LTK: variants seen among roughly 807,000 people sequenced by gnomAD.
The protein encoded by LTK is leukocyte tyrosine kinase receptor.
Under a neutral mutation model 101.5 loss-of-function variants are expected in LTK, and 117 were observed. The ratio of observed to expected loss-of-function variants is 1.15; its 90% confidence interval spans 0.99 to 1.34. The LOEUF (loss-of-function observed/expected upper bound fraction) is 1.34, where lower values mean the gene tolerates loss of function less well. Ranked by LOEUF, LTK falls within the 40% of genes most tolerant of loss-of-function variation. The probability of loss-of-function intolerance (pLI) is 0.00; values close to 1 mark genes in which losing one functional copy is unlikely to be tolerated. For synonymous variants in LTK, 563 were observed against 494.2 expected (o/e 1.14, Z -1.85); for missense variants, 1,252 against 1,164.7 (o/e 1.07, Z -1.09).
At chr15:41,510,648 G>C (rs548670305) in intron 7 of LTK, among the ~76,000 whole-genome samples, 177 of 152,268 alleles carry the variant, frequency 1.2e-3, no homozygotes, top group African/African-American at 4.0e-3. Context: ...TTTTAGTACA[G>C]ACAGGGTTTC....
At chr15:41,513,186 A>G in intron 1 of LTK, 66 bp from the exon 2 acceptor site, 1 of 1,500,768 alleles carries the variant, frequency 6.7e-7, no homozygotes, top group Non-Finnish European at 8.8e-7. Flanking sequence ...AAAGAAAGAG[A>G]GAACCCCGCA....
intron 11 of LTK, among the ~76,000 whole-genome samples, 182 bp downstream of exon 11, chr15:41,506,913 G>A (rs2051304210): frequency 6.6e-6 from 1 of 152,180 alleles, no homozygotes; most frequent in Non-Finnish European, 1.5e-5. Flanking sequence ...CTAAGAACTG[G>A]GACGGAGAGG....
In LTK at chr15:41,503,798, G is replaced by T. The variant is rs1212676215; in HGVS notation, c.*198C>A. ...CAAGATCAAAAGCTGGAAGTGGCTG[G>T]GCCCTTCCCTGGGAGGCCTGGGCTG... is the stretch of plus-strand genomic sequence containing the variant. On this transcript the variant is annotated 3_prime_UTR_variant, in exon 20 of 20. Transcript: ENST00000263800. 1.5e-6 allele frequency: 1 copy of T among 657,912 alleles called. No homozygotes were observed. Among genetic ancestry groups the T allele is most frequent in the Non-Finnish European group, 2.6e-6 (1 of 386,344 alleles). 40.8% of individuals were successfully genotyped at this position (657,912 alleles called of 1,614,324 possible).
chr15:41,509,149 G>A lies in LTK; in HGVS notation c.998-20C>T, dbSNP rs773682606. 4.6e-6 allele frequency: 7 copies of A among 1,507,348 alleles called. No homozygotes were observed. The South Asian group carries it at 6.8e-5, about 15-fold the overall frequency. 93.4% of individuals were successfully genotyped at this position (1,507,348 alleles called of 1,614,324 possible). A position where few individuals can be genotyped will look rare whatever the true frequency, so the allele number is the denominator to read the frequency against. On this transcript the variant is annotated intron_variant, in intron 7 of 19. Transcript: ENST00000263800. ...CGCCCCCTGGAAGTGGAGAGTGATG[G>A]AGAGTTTGACTACAAAAATGGGGGA...
chr15:41,503,842 G>A lies in LTK; in HGVS notation c.*154C>T. 1.1e-6 allele frequency: 1 copy of A among 903,674 alleles called. No individual in the cohort carries two copies. 56.0% of individuals were successfully genotyped at this position (903,674 alleles called of 1,614,324 possible). ...TGGGCTGGTTTCCAGCATGGCAAGT[G>A]CAGCGCTGCCAGGCCAGCCCCGAGA... On this transcript the variant is annotated 3_prime_UTR_variant, in exon 20 of 20. Transcript: ENST00000263800.
chr15:41,512,889 G>A lies in LTK; in HGVS notation c.188-11C>T. On this transcript the variant is annotated splice_polypyrimidine_tract_variant and intron_variant, in intron 2 of 19. Transcript: ENST00000263800. ...AAGACCCCTCGGTGCCTGAGAGCAA[G>A]GAGCGAGGCAAGGGTCGTCGAGCCC... is the stretch of plus-strand genomic sequence containing the variant. 7.5e-6 allele frequency: 12 copies of A among 1,609,048 alleles called. No individual in the cohort carries two copies. The highest frequency in any genetic ancestry group is 1.3e-5 in the African/African-American group (1 of 74,946).
rs2051501596 is a variant in LTK, at chr15:41,512,212, C to T, written c.413G>A (p.Arg138Gln). The part of the protein sequence containing the change: ...GGKGAKNHLS[R>Q]AHGVFVSAIF... Reference sequence around the variant, plus strand: ...TGCTGAGACGAAGACGCCATGCGCCCGCGACAGGTGGTTCTTGGCGCCTTT... The same window carrying T: ...TGCTGAGACGAAGACGCCATGCGCCTGCGACAGGTGGTTCTTGGCGCCTTT... Residue 138 changes from arginine (R) to glutamine (Q), a missense_variant, in exon 4 of 20, where the codon CGG becomes CAG. Arg to Gln is a conservative substitution (Grantham distance 43). Coordinates refer to ENST00000263800, the MANE Select transcript of LTK (RefSeq NM_002344.6). 3.1e-6 allele frequency: 5 copies of T among 1,613,020 alleles called. No homozygotes were observed. Among genetic ancestry groups the T allele is most frequent in the African/African-American group, 1.3e-5 (1 of 74,894 alleles).
In LTK at chr15:41,511,844, A is replaced by ACCC; in HGVS notation, c.627_629dup (p.Gly213dup). The ACCC allele has an allele frequency of 1.4e-5, 10 of 729,326 alleles. No individual in the cohort carries two copies. Among genetic ancestry groups the ACCC allele is most frequent in the South Asian group, 1.7e-5 (1 of 57,362 alleles). 45.2% of individuals were successfully genotyped at this position (729,326 alleles called of 1,614,324 possible). A position where few individuals can be genotyped will look rare whatever the true frequency, so the allele number is the denominator to read the frequency against. On this transcript the variant is annotated inframe_insertion, in exon 5 of 20. Coordinates refer to ENST00000263800, the MANE Select transcript of LTK (RefSeq NM_002344.6). The surrounding 1 kb of genome is among the most constrained non-coding windows in gnomAD (Gnocchi z 5.9). ...GGAAAACGTAGGTGGCGCCCCCGCCACCCCCGCCACCTCCCGCCCAGCGCC... is the reference window on the plus strand; with the variant it reads ...GGAAAACGTAGGTGGCGCCCCCGCCACCCCCCCCGCCACCTCCCGCCCAGCGCC...
chr15:41,503,895 A>T lies in LTK; in HGVS notation c.*101T>A. On this transcript the variant is annotated 3_prime_UTR_variant, in exon 20 of 20. Transcript: ENST00000263800. ...GGCCCAGACACACAGCACAGACTGCAGGGAACAGAGGCCGCTGGCATAACA... is the reference window on the plus strand; with the variant it reads ...GGCCCAGACACACAGCACAGACTGCTGGGAACAGAGGCCGCTGGCATAACA... 1 of 1,327,332 alleles carries T rather than the reference A, an allele frequency of 7.5e-7. No homozygotes were observed. Among genetic ancestry groups the T allele is most frequent in the Non-Finnish European group, 1.0e-6 (1 of 982,798 alleles). The allele number at this position is 1,327,332 out of a possible 1,614,324, so 82.2% of individuals were successfully genotyped here.
chr15:41,505,502 A>AC lies in LTK; in HGVS notation c.1725dup (p.Cys576ValfsTer171). 6.2e-7 allele frequency: 1 copy of AC among 1,613,986 alleles called. No individual in the cohort carries two copies. On this transcript the variant is annotated frameshift_variant, in exon 14 of 20. Coordinates refer to ENST00000263800, the MANE Select transcript of LTK (RefSeq NM_002344.6). LOFTEE classifies it high-confidence loss of function. ...GTGGCCCTGAGGCTGAGCCCCACAC[A>AC]CCGCACAATGTTCTGATGGCGAAAC...
At position 41,511,543 on chromosome 15, in the gene LTK, C is replaced by T. The variant is rs769358778; in HGVS notation, c.693G>A (p.Ala231=). The change falls in exon 6 of 20, where the codon GCG becomes GCA. Residue 231 remains alanine (A), a synonymous_variant. Coordinates refer to ENST00000263800, the MANE Select transcript of LTK (RefSeq NM_002344.6). The surrounding 1 kb of genome is among the most constrained non-coding windows in gnomAD (Gnocchi z 5.9). The part of the protein sequence containing the change: ...RAGELEPLLV[A]AGGGGRAYLR... ...GGTAGGCCCGACCGCCGCCTCCGGC[C>T]GCCACCAGCAACGGTTCCAGCTCGC... The T allele has an allele frequency of 2.1e-5, 31 of 1,456,822 alleles. No homozygotes were observed. Among genetic ancestry groups the T allele is most frequent in the Non-Finnish European group, 2.5e-5 (28 of 1,117,096 alleles). The allele number at this position is 1,456,822 out of a possible 1,614,324, so 90.2% of individuals were successfully genotyped here.
rs1180077199 is a variant in LTK at position 41,504,587 on chromosome 15, G to C, written c.2174C>G (p.Pro725Arg). ...EIFSLGYMPYPGRTNQEVLDF... is the reference protein window; with the variant it reads ...EIFSLGYMPYRGRTNQEVLDF... ...CAGCACCTCCTGGTTGGTGCGCCCAGGATAGGGCATGTAGCCCAGTGAGAA... is the reference window on the plus strand; with the variant it reads ...CAGCACCTCCTGGTTGGTGCGCCCACGATAGGGCATGTAGCCCAGTGAGAA... The change falls in exon 18 of 20, where the codon CCT becomes CGT. Residue 725 changes from proline to arginine, a missense_variant. Pro to Arg is a moderately radical substitution (Grantham distance 103, BLOSUM62 -2). Coordinates refer to ENST00000263800, the MANE Select transcript of LTK (RefSeq NM_002344.6). 6.2e-7 allele frequency: 1 copy of C among 1,613,850 alleles called. No individual in the cohort carries two copies. Among genetic ancestry groups the C allele is most frequent in the Non-Finnish European group, 8.5e-7 (1 of 1,180,014 alleles).
intron 12 of LTK, 62 bp from the exon 13 acceptor site, chr15:41,505,839 C>T (rs2051261341): frequency 6.2e-7 from 1 of 1,603,378 alleles, no homozygotes; most frequent in African/African-American, 1.3e-5. Context: ...GGGGGTTAAC[C>T]CTAGCTCTAG....
chr15:41,512,911 GC>G (rs2051536245), intron 2 of LTK, 33 bp from the exon 3 acceptor site: 1 of 1,607,376 alleles, frequency 6.2e-7, no homozygotes, highest in African/African-American at 1.3e-5. Flanking sequence ...GGGTCGTCGA[GC>G]CCCTGGCTGG....
intron 9 of LTK, 62 bp downstream of exon 9, chr15:41,508,007 C>T: frequency 1.3e-6 from 2 of 1,503,432 alleles, no homozygotes; most frequent in Non-Finnish European, 1.8e-6. Context: ...TTCCCAGTGG[C>T]CTACTGCTCC....
In LTK at chr15:41,507,690, G is replaced by A. The variant is rs376339848; in HGVS notation, c.1250-33C>T. 36 of 1,594,046 alleles carry A rather than the reference G, an allele frequency of 2.3e-5. No individual in the cohort carries two copies. In the African/African-American group the frequency reaches 4.5e-4, roughly 20 times the overall value. ...GAAAGAGAGACACCTCCAGTGGGAA[G>A]GTCTTCTCTGTTCCTTTACCCTCAA... is the stretch of plus-strand genomic sequence containing the variant. On this transcript the variant is annotated intron_variant, in intron 9 of 19. Transcript: ENST00000263800.
At position 41,512,236 on chromosome 15, in the gene LTK, T is replaced by G. The variant is rs200377822; in HGVS notation, c.389A>C (p.Lys130Thr). The G allele has an allele frequency of 6.2e-7, 1 of 1,612,458 alleles. No individual in the cohort carries two copies. The highest frequency in any genetic ancestry group is 2.2e-5 in the East Asian group (1 of 44,828). The change falls in exon 4 of 20, where the codon AAA (lysine) becomes ACA (threonine). Residue 130 changes from lysine to threonine, a missense_variant. By Grantham distance (78) the Lys-to-Thr change is moderately conservative. Transcript: ENST00000263800. ...CCGCGACAGGTGGTTCTTGGCGCCTTTGCCGCCCGCGGCTCCGTAGGCTGA... is the reference window on the plus strand; with the variant it reads ...CCGCGACAGGTGGTTCTTGGCGCCTGTGCCGCCCGCGGCTCCGTAGGCTGA... ...LISAYGAAGG[K>T]GAKNHLSRAH...
At chr15:41,504,673 C>A (rs372268726) in intron 17 of LTK, 33 bp from the exon 18 acceptor site, 1 of 1,609,022 alleles carries the variant, frequency 6.2e-7, no homozygotes, top group Non-Finnish European at 8.5e-7. Flanking sequence ...AAGTGAGGCC[C>A]GTCAGGTGTA....
chr15:41,505,540 G>A lies in LTK; in HGVS notation c.1698-10C>T, dbSNP rs778935356. The A allele has an allele frequency of 3.1e-6, 5 of 1,613,620 alleles. No homozygotes were observed. Among genetic ancestry groups the A allele is most frequent in the Admixed American group, 3.3e-5 (2 of 59,954 alleles). On this transcript the variant is annotated splice_polypyrimidine_tract_variant and intron_variant, in intron 13 of 19. Transcript: ENST00000263800. ...CTGATGGCGAAACTTGCTGAGTGGGGTGGGGGACATATCCCGTTACCAGGA... is the reference window on the plus strand; with the variant it reads ...CTGATGGCGAAACTTGCTGAGTGGGATGGGGGACATATCCCGTTACCAGGA...
Sources: gnomAD v4.1 joint callset for allele counts (sites outside exome capture counted in the v4.1 genomes callset) on GRCh38, gnomAD v4.1.1 for gene constraint, Gnocchi (gnomAD v3.1) non-coding constraint, MANE v1.5 for transcripts, NCBI Gene and HGNC (gene_info 2026-07-23, HGNC 2026-07-21) for gene names.